Variants in MOGAT1 observed in about 807,000 individuals in gnomAD.
MOGAT1 encodes monoacylglycerol O-acyltransferase 1.
In MOGAT1, 32 loss-of-function variants were observed where a neutral mutation model predicts 31.4. The ratio of observed to expected loss-of-function variants is 1.02; its 90% CI spans 0.77 to 1.37. MOGAT1 has a LOEUF of 1.37. MOGAT1 is among the 40% of genes most tolerant of loss of function. The pLI, the probability that MOGAT1 is intolerant of heterozygous loss-of-function variation, is 0.00. For missense variants in MOGAT1, 426 were observed against 402.0 expected (o/e 1.06, Z -0.51); for synonymous variants, 145 against 144.5 (o/e 1.00, Z -0.03).
intron 5 of MOGAT1, among the ~76,000 whole-genome samples, chr2:222,697,491 G>A (rs1245704288): frequency 3.9e-5 from 6 of 151,996 alleles, no homozygotes. Context: ...GAATATTGAG[G>A]AGAGTAATTC....
intron 1 of MOGAT1, 87 bp downstream of exon 1, chr2:222,671,966 T>C: frequency 2.8e-6 from 3 of 1,090,094 alleles, no homozygotes; most frequent in Non-Finnish European, 4.1e-6. Flanking sequence ...CATAGAACCT[T>C]CCAACCCTCG....
chr2:222,698,491 A>G (rs969248810), intron 5 of MOGAT1: 1 of 152,236 alleles, frequency 6.6e-6, no homozygotes, highest in African/African-American at 2.4e-5. Flanking sequence ...AACAGGAAAC[A>G]TGAGATTCCA....
chr2:222,686,564 G>A (rs941738963), intron 1 of MOGAT1, among the ~76,000 whole-genome samples: 10 of 152,298 alleles, frequency 6.6e-5, no homozygotes, highest in African/African-American at 2.4e-4. Flanking sequence ...GAAGAAAGCA[G>A]AGGAAGCAAA....
At chr2:222,697,085 G>A (rs993055478) in intron 5 of MOGAT1, among the ~76,000 whole-genome samples, 5 of 152,124 alleles carry the variant, frequency 3.3e-5, no homozygotes, top group Admixed American at 3.3e-4. Context: ...AAAGTATTTA[G>A]CTCCCTCAGA....
intron 1 of MOGAT1, among the ~76,000 whole-genome samples, chr2:222,684,275 A>T (rs912014522): frequency 6.6e-6 from 1 of 151,962 alleles, no homozygotes. Context: ...ATGGTAGCAC[A>T]TGCCTGTAAT....
chr2:222,697,506 A>G (rs1183460531), intron 5 of MOGAT1, among the ~76,000 whole-genome samples: 2 of 150,936 alleles, frequency 1.3e-5, no homozygotes, highest in Non-Finnish European at 3.0e-5. Context: ...TAATTCTGAT[A>G]TGGAACTGAG....
At chr2:222,689,883 G>A (rs1692732003) in intron 3 of MOGAT1, among the ~76,000 whole-genome samples, 1 of 152,220 alleles carries the variant, frequency 6.6e-6, no homozygotes, top group African/African-American at 2.4e-5. Flanking sequence ...CTTTCATTGT[G>A]TCTTGAAGTA....
chr2:222,707,341 AAGAAAGAAAAAGAAAGAAAG>A (rs1426855339), intron 5 of MOGAT1, among the ~76,000 whole-genome samples: 53 of 92,820 alleles, frequency 5.7e-4, no homozygotes, highest in East Asian at 2.4e-3. Context: ...AAGAAAAAGA[AAGAAAGAAAAAGAAAGAAAG>A]AGAAAGAAAG....
chr2:222,707,343 G>T (rs1246854643), intron 5 of MOGAT1, among the ~76,000 whole-genome samples: 10 of 81,694 alleles, frequency 1.2e-4, no homozygotes, highest in African/African-American at 4.8e-4. Context: ...GAAAAAGAAA[G>T]AAAGAAAAAG....
intron 1 of MOGAT1, among the ~76,000 whole-genome samples, chr2:222,674,522 A>G (rs1692467160): frequency 6.6e-6 from 1 of 152,144 alleles, no homozygotes; most frequent in African/African-American, 2.4e-5. Flanking sequence ...TAAATTGATC[A>G]TCATGGGGAT....
At chr2:222,703,733 T>C (rs956767886) in intron 5 of MOGAT1, among the ~76,000 whole-genome samples, 3 of 152,224 alleles carry the variant, frequency 2.0e-5, no homozygotes, top group Non-Finnish European at 2.9e-5. Context: ...TTCTCTAATA[T>C]ACAGCTATGT....
At chr2:222,698,189 T>C (rs992421966) in intron 5 of MOGAT1, among the ~76,000 whole-genome samples, 2 of 152,226 alleles carry the variant, frequency 1.3e-5, no homozygotes, top group African/African-American at 4.8e-5. Context: ...TAGTACAATC[T>C]GGGGAGTAAT....
At chr2:222,709,080 C>T (rs1433144038) in intron 5 of MOGAT1, among the ~76,000 whole-genome samples, 2 of 152,080 alleles carry the variant, frequency 1.3e-5, no homozygotes, top group Non-Finnish European at 1.5e-5. Context: ...AGTCGCTCAC[C>T]CTTGTAATTC....
chr2:222,695,298 T>C lies in MOGAT1; in HGVS notation c.853+10T>C. Reference sequence around the variant, plus strand: ...GCCATCCACACTGTTGGTATGTACATAAAATAACTACAACTATTAGCTTAC... The same window carrying C: ...GCCATCCACACTGTTGGTATGTACACAAAATAACTACAACTATTAGCTTAC... On this transcript the variant is annotated intron_variant, in intron 5 of 5. Coordinates refer to ENST00000446656, the MANE Select transcript of MOGAT1 (RefSeq NM_058165.3). The C allele has an allele frequency of 6.4e-7, 1 of 1,565,014 alleles. No individual in the cohort carries two copies. The highest frequency in any genetic ancestry group is 1.4e-5 in the African/African-American group (1 of 73,682).
At chr2:222,675,518 C>T (rs1383483531) in intron 1 of MOGAT1, among the ~76,000 whole-genome samples, 4 of 138,330 alleles carry the variant, frequency 2.9e-5, no homozygotes, top group African/African-American at 1.1e-4. Context: ...CTCACTCTGT[C>T]GCCCAGGCTG....
intron 5 of MOGAT1, among the ~76,000 whole-genome samples, chr2:222,701,559 A>C (rs1692926950): frequency 1.3e-5 from 2 of 150,000 alleles, no homozygotes; most frequent in Non-Finnish European, 3.0e-5. Flanking sequence ...AAAAGAAAGA[A>C]AGAGAAAGAA....
chr2:222,694,482 T>C lies in MOGAT1; in HGVS notation c.599T>C (p.Phe200Ser), dbSNP rs1162528228. ...TCACTGGATGCTCATCCTGGAAAGT[T>C]CACTCTGTTCATCCGCCAGCGGAAA... is the stretch of plus-strand genomic sequence containing the variant. ...KESLDAHPGK[F>S]TLFIRQRKGF... The change falls in exon 4 of 6, where the codon TTC (phenylalanine) becomes TCC (serine). Residue 200 changes from phenylalanine to serine, a missense_variant. Coordinates refer to ENST00000446656, the MANE Select transcript of MOGAT1 (RefSeq NM_058165.3). 1 of 1,613,936 alleles carries C rather than the reference T, an allele frequency of 6.2e-7. No homozygotes were observed. Among genetic ancestry groups the C allele is most frequent in the Non-Finnish European group, 8.5e-7 (1 of 1,179,854 alleles).
chr2:222,674,856 A>G (rs775695208), intron 1 of MOGAT1, among the ~76,000 whole-genome samples: 5 of 152,156 alleles, frequency 3.3e-5, no homozygotes, highest in Non-Finnish European at 5.9e-5. Flanking sequence ...TTTTTGGTAG[A>G]AATGGGGCCT....
At chr2:222,690,960 GT>G (rs1398662388) in intron 3 of MOGAT1, among the ~76,000 whole-genome samples, 1 of 152,210 alleles carries the variant, frequency 6.6e-6, no homozygotes, top group Non-Finnish European at 1.5e-5. Context: ...AAAGTGTAAT[GT>G]TTGCTTATTC....
Sources: gnomAD v4.1 joint callset for allele counts (sites outside exome capture counted in the v4.1 genomes callset) on GRCh38, gnomAD v4.1.1 for gene constraint, MANE v1.5 for transcripts, NCBI Gene and HGNC (gene_info 2026-07-23, HGNC 2026-07-21) for gene names.